Variants in TAGLN2 observed in about 807,000 individuals in gnomAD.
TAGLN2 encodes transgelin-2.
TAGLN2 carries 14 observed loss-of-function variants against 24.9 expected under a neutral mutation model. The ratio of observed to expected loss-of-function variants is 0.56; its 90% CI spans 0.37 to 0.88. The LOEUF (loss-of-function observed/expected upper bound fraction) is 0.88. Ranked by LOEUF, TAGLN2 falls within the 40% of genes least tolerant of loss-of-function variation. The probability of loss-of-function intolerance (pLI) is 0.00; values close to 1 mark genes in which losing one functional copy is unlikely to be tolerated. For missense variants in TAGLN2, 208 were observed against 258.9 expected (o/e 0.80, Z 1.35); for synonymous variants, 77 against 98.2 (o/e 0.78, Z 1.28).
chr1:159,924,331 T>A (rs1040984019), intron 1 of TAGLN2, among the ~76,000 whole-genome samples: 3 of 152,118 alleles, frequency 2.0e-5, no homozygotes, highest in Non-Finnish European at 4.4e-5. Flanking sequence ...GAGGAGAAAC[T>A]GGGAGGGGGC....
In TAGLN2 at chr1:159,918,654, A is replaced by G. The variant is rs530323201; in HGVS notation, c.*146T>C. 5.3e-6 allele frequency: 6 copies of G among 1,136,066 alleles called. No homozygotes were observed. The East Asian group carries it at 1.4e-4, about 27-fold the overall frequency. 70.4% of individuals were successfully genotyped at this position (1,136,066 alleles called of 1,614,324 possible). Reference sequence around the variant, plus strand: ...GGGAGAGGATGCCAGCAGGCACCTCAGAGGTGACAGGACAGGCTGAACCCC... The same window carrying G: ...GGGAGAGGATGCCAGCAGGCACCTCGGAGGTGACAGGACAGGCTGAACCCC... On this transcript the variant is annotated 3_prime_UTR_variant, in exon 5 of 5. Transcript: ENST00000368097.
rs755907220 is a variant in TAGLN2 at position 159,918,893 on chromosome 1, C to T, written c.507G>A (p.Glu169=). 3.1e-6 allele frequency: 5 copies of T among 1,614,138 alleles called. No homozygotes were observed. The East Asian group carries it at 1.1e-4, about 36-fold the overall frequency. Residue 169 remains glutamate (E), a synonymous_variant, in exon 5 of 5, where the codon GAG becomes GAA. Transcript: ENST00000368097. ...TCTGTAACCCGATCACGTTCTTGCC[C>T]TCTTGCAGCTGGTTATCCGAGAAGT... ...PRNFSDNQLQ[E]GKNVIGLQMG...
chr1:159,919,166 G>A (rs1258015546), intron 4 of TAGLN2, 108 bp downstream of exon 4: 46 of 1,310,948 alleles, frequency 3.5e-5, no homozygotes, highest in Non-Finnish European at 4.9e-5. Flanking sequence ...TTTTCTGAAA[G>A]TGCTTTGTAA....
At chr1:159,919,087 C>G (rs1650437079) in intron 4 of TAGLN2, 146 bp from the exon 5 acceptor site, 1 of 1,348,708 alleles carries the variant, frequency 7.4e-7, no homozygotes, top group South Asian at 1.3e-5. Flanking sequence ...AAGCCACCTC[C>G]TCATCTGTCC....
chr1:159,920,489 T>C lies in TAGLN2; in HGVS notation c.21A>G (p.Ala7=), dbSNP rs761159852. ...GCTGCACCTCCCGGCTCAGGCCATA[T>C]GCAGGTCCCCTGTTGGCCATTCCAA... MANRGP[A]YGLSREVQQK... is the part of the protein sequence containing the mutation. The change falls in exon 2 of 5, where the codon GCA becomes GCG. Residue 7 remains alanine (A), a synonymous_variant. Transcript: ENST00000368097. 1.2e-6 allele frequency: 2 copies of C among 1,614,250 alleles called. No homozygotes were observed. Among genetic ancestry groups the C allele is most frequent in the Non-Finnish European group, 1.7e-6 (2 of 1,180,038 alleles).
chr1:159,919,646 C>G lies in TAGLN2; in HGVS notation c.355+15G>C. On this transcript the variant is annotated intron_variant, in intron 3 of 4. Coordinates refer to ENST00000368097, the MANE Select transcript of TAGLN2 (RefSeq NM_003564.3). The stretch of plus-strand genomic sequence containing the variant: ...CCTCCTGGATGACAGGACCCAGCCC[C>G]TCGCCCTGTCCCACCTTCCCAGAGG... 2.5e-6 allele frequency: 4 copies of G among 1,610,808 alleles called. No individual in the cohort carries two copies. The highest frequency in any genetic ancestry group is 2.5e-6 in the Non-Finnish European group (3 of 1,178,654).
chr1:159,919,712 G>T lies in TAGLN2; in HGVS notation c.304C>A (p.Arg102Ser). 1 of 1,613,646 alleles carries T rather than the reference G, an allele frequency of 6.2e-7. No homozygotes were observed. Among genetic ancestry groups the T allele is most frequent in the Non-Finnish European group, 8.5e-7 (1 of 1,179,900 alleles). The part of the protein sequence containing the change: ...QISQFLQAAE[R>S]YGINTTDIFQ... ...ATGTCAGTGGTGTTAATGCCATAGC[G>T]CTCAGCTGCTTGCAGGAACTGAGAG... Residue 102 changes from arginine (R) to serine (S), a missense_variant, in exon 3 of 5, where the codon CGC (arginine) becomes AGC (serine). Arg to Ser is a moderately radical substitution (Grantham distance 110). Transcript: ENST00000368097.
chr1:159,920,175 G>T, intron 2 of TAGLN2, 155 bp downstream of exon 2: 2 of 1,225,246 alleles, frequency 1.6e-6, no homozygotes, highest in Non-Finnish European at 2.4e-6. Flanking sequence ...GAAAGCATGG[G>T]CCCTCTCACA....
intron 1 of TAGLN2, among the ~76,000 whole-genome samples, chr1:159,924,060 T>C (rs1004740088): frequency 2.0e-5 from 3 of 152,162 alleles, no homozygotes; most frequent in Non-Finnish European, 4.4e-5. Flanking sequence ...GAAGTAGTTG[T>C]TCAGGAGAAG....
intron 1 of TAGLN2, among the ~76,000 whole-genome samples, chr1:159,923,907 G>C (rs1019515652): frequency 6.6e-6 from 1 of 152,188 alleles, no homozygotes; most frequent in Non-Finnish European, 1.5e-5. Flanking sequence ...CTGTGAGCAC[G>C]GGAGCAGAAG....
chr1:159,923,476 G>A, intron 1 of TAGLN2: 1 of 1,549,874 alleles, frequency 6.5e-7, no homozygotes, highest in Non-Finnish European at 8.7e-7. Context: ...GACATGGGTG[G>A]GGGCAGGGAG....
chr1:159,921,795 T>C (rs1378028487), intron 1 of TAGLN2, among the ~76,000 whole-genome samples: 1 of 152,178 alleles, frequency 6.6e-6, no homozygotes, highest in Non-Finnish European at 1.5e-5. Flanking sequence ...TGTGGCAGTG[T>C]GTTCCCACCA....
chr1:159,922,127 C>T (rs6427499), intron 1 of TAGLN2, among the ~76,000 whole-genome samples: 75,147 of 151,890 alleles, frequency 0.49, 18,967 homozygotes, highest in African/African-American at 0.57. Flanking sequence ...TAAACAATCC[C>T]GTCACCCCCT....
At chr1:159,923,357 T>C in intron 1 of TAGLN2, 2 of 1,489,976 alleles carry the variant, frequency 1.3e-6, no homozygotes, top group Non-Finnish European at 1.8e-6. Context: ...ACCCTCACCC[T>C]GGAGTTACAA....
chr1:159,919,861 A>C (rs202081009), intron 2 of TAGLN2, 26 bp from the exon 3 acceptor site: 1 of 1,608,906 alleles, frequency 6.2e-7, no homozygotes, highest in East Asian at 2.2e-5. Context: ...AGGGGTGGAA[A>C]GGTGAGAATA....
chr1:159,922,417 G>A (rs187037447), intron 1 of TAGLN2, among the ~76,000 whole-genome samples: 38 of 152,256 alleles, frequency 2.5e-4, no homozygotes, highest in South Asian at 6.2e-4. Context: ...GACCCACAGC[G>A]CCAGGCACAC....
rs1008869844 is a variant in TAGLN2 at position 159,922,711 on chromosome 1, T to C, written c.-28-2174A>G. Among the ~76,000 whole-genome samples the C allele has an allele frequency of 4.6e-5, 7 of 152,252 alleles. No homozygotes were observed. In the South Asian group the frequency reaches 1.0e-3, roughly 23 times the overall value. On this transcript the variant is annotated intron_variant, in intron 1 of 4. Transcript: ENST00000368097. ...GTGGCCTGAGGCTCGGGGATCACCA[T>C]GGCACAGGTAAAGAAAGGGCAGGAG...
intron 2 of TAGLN2, 37 bp downstream of exon 2, chr1:159,920,293 T>TC: frequency 6.2e-7 from 1 of 1,614,148 alleles, no homozygotes; most frequent in African/African-American, 1.3e-5. Context: ...AGTCCTGCTC[T>TC]CCCTGCACTT....
At chr1:159,921,666 G>A (rs1332102949) in intron 1 of TAGLN2, among the ~76,000 whole-genome samples, 1 of 152,228 alleles carries the variant, frequency 6.6e-6, no homozygotes, top group Non-Finnish European at 1.5e-5. Flanking sequence ...GGGGAAACCT[G>A]GAGAAGAGAA....
Sources: gnomAD v4.1 joint callset for allele counts (sites outside exome capture counted in the v4.1 genomes callset) on GRCh38, gnomAD v4.1.1 for gene constraint, MANE v1.5 for transcripts, NCBI Gene and HGNC (gene_info 2026-07-23, HGNC 2026-07-21) for gene names.